PIP5K1C: variants seen among roughly 807,000 people sequenced by gnomAD.
The protein encoded by PIP5K1C is phosphatidylinositol 4-phosphate 5-kinase type-1 gamma.
Under a neutral mutation model 80.1 loss-of-function variants are expected in PIP5K1C, and 45 were observed. That is an observed-to-expected ratio of 0.56 (90% CI 0.44 to 0.72). The LOEUF is 0.72. Ranked by LOEUF, PIP5K1C falls within the 30% of genes least tolerant of loss-of-function variation. PIP5K1C has a pLI of 0.00. For synonymous variants in PIP5K1C, 498 were observed against 420.1 expected (o/e 1.19, Z -2.27); for missense variants, 753 against 954.6 (o/e 0.79, Z 2.78).
intron 2 of PIP5K1C, 54 bp from the exon 3 acceptor site, chr19:3,664,968 C>A (rs910231150): frequency 7.2e-7 from 1 of 1,379,588 alleles, no homozygotes; most frequent in African/African-American, 1.4e-5. Context: ...CCCACCGGGA[C>A]AGGGCACGCT....
intron 1 of PIP5K1C, among the ~76,000 whole-genome samples, chr19:3,677,453 A>G (rs1003557123): frequency 2.0e-5 from 3 of 151,710 alleles, no homozygotes; most frequent in Admixed American, 2.0e-4. Flanking sequence ...TGTGGTGGCC[A>G]GTGCCTGTAA....
chr19:3,699,218 C>T (rs959850871), intron 1 of PIP5K1C, among the ~76,000 whole-genome samples: 2 of 151,664 alleles, frequency 1.3e-5, no homozygotes, highest in Non-Finnish European at 2.9e-5. Context: ...GCCAGGACAC[C>T]GGCTGCCCGC....
chr19:3,654,941 C>G (rs1367686930), intron 6 of PIP5K1C, among the ~76,000 whole-genome samples: 1 of 151,892 alleles, frequency 6.6e-6, no homozygotes, highest in Admixed American at 6.6e-5. Flanking sequence ...AACCCCATCT[C>G]TACTAAAAAT....
At chr19:3,670,465 C>T (rs899932890) in intron 1 of PIP5K1C, among the ~76,000 whole-genome samples, 2 of 152,202 alleles carry the variant, frequency 1.3e-5, no homozygotes, top group African/African-American at 4.8e-5. Flanking sequence ...CCCGGAGGCA[C>T]CAGGAGCAGA....
At chr19:3,676,279 C>T (rs1016696220) in intron 1 of PIP5K1C, among the ~76,000 whole-genome samples, 4 of 152,172 alleles carry the variant, frequency 2.6e-5, no homozygotes, top group African/African-American at 7.2e-5. Flanking sequence ...GGTACCTGCC[C>T]GGCCCTGCAG....
rs1476925362 is a variant in PIP5K1C, at chr19:3,644,202, A to G, written c.1395T>C (p.Ala465=). Residue 465 remains alanine (A), a synonymous_variant, in exon 12 of 18, where the codon GCT becomes GCC. Transcript: ENST00000335312. ...SKKGRGGALL[A]VKPLGPTAAF... ...CAGCGGTGGGCCCCAGCGGTTTCAC[A>G]GCTAGCAAGGCTCCGCCGCGCCCCT... The G allele has an allele frequency of 1.4e-5, 23 of 1,612,500 alleles. No homozygotes were observed. Among genetic ancestry groups the G allele is most frequent in the Non-Finnish European group, 1.8e-5 (21 of 1,179,884 alleles).
At chr19:3,687,651 C>T (rs942337363) in intron 1 of PIP5K1C, among the ~76,000 whole-genome samples, 8 of 151,266 alleles carry the variant, frequency 5.3e-5, no homozygotes, top group Non-Finnish European at 1.0e-4. Flanking sequence ...AGAACACCTG[C>T]GGGACACAGC....
At position 3,651,309 on chromosome 19, in the gene PIP5K1C, G is replaced by A. The variant is rs193229902; in HGVS notation, c.1127+517C>T. Among the ~76,000 whole-genome samples, 645 of 152,282 alleles carry A rather than the reference G, an allele frequency of 4.2e-3. 4 individuals are homozygous for A. Among genetic ancestry groups the A allele is most frequent in the Admixed American group, 8.2e-3 (125 of 15,300 alleles). On this transcript the variant is annotated intron_variant, in intron 8 of 17. Transcript: ENST00000335312. ...GGGCTGAGGCAATCCTCCCACCTTG[G>A]TCTCCCAAGGTGCTGGGAGTACAGG...
rs746879065 is a variant in PIP5K1C at position 3,664,814 on chromosome 19, C to T, written c.219+8G>A. ...CTCCCTCCAGCCAGCTAAGGGGAGC[C>T]GAGGAACCTTCTTGTAGGTGGTTTC... On this transcript the variant is annotated splice_region_variant and intron_variant, in intron 3 of 17. Transcript: ENST00000335312. The T allele has an allele frequency of 9.3e-6, 15 of 1,610,476 alleles. No individual in the cohort carries two copies. The East Asian group carries it at 2.2e-4, about 24-fold the overall frequency.
rs1354338332 is a variant in PIP5K1C, at chr19:3,696,975, CGA to C, written c.94+3320_94+3321del. On this transcript the variant is annotated intron_variant, in intron 1 of 17. Transcript: ENST00000335312. The surrounding 1 kb of genome is among the most constrained non-coding windows in gnomAD (Gnocchi z 4.1). ...GGGGCAAAGGAGGACTGAGCTGGAC[CGA>C]GGAGGACTGAGCTGGACGGAGGAGG... Among the ~76,000 whole-genome samples the C allele has an allele frequency of 1.3e-5, 2 of 151,856 alleles. No homozygotes were observed. Among genetic ancestry groups the C allele is most frequent in the East Asian group, 3.9e-4 (2 of 5,176 alleles).
At chr19:3,642,378 G>A (rs1004063502) in intron 14 of PIP5K1C, among the ~76,000 whole-genome samples, 47 of 152,376 alleles carry the variant, frequency 3.1e-4, no homozygotes, top group African/African-American at 1.0e-3. Flanking sequence ...TCCATGGGAT[G>A]GAAGGACGGC....
chr19:3,678,299 T>TGGAGGGACGGAGGGAC (rs2035458788), intron 1 of PIP5K1C, among the ~76,000 whole-genome samples: 1 of 65,862 alleles, frequency 1.5e-5, no homozygotes, highest in Non-Finnish European at 3.0e-5. Flanking sequence ...GATGGAGGGA[T>TGGAGGGACGGAGGGAC]GGAGGGACGG....
At position 3,661,997 on chromosome 19, in the gene PIP5K1C, G is replaced by C. The variant is rs371628208; in HGVS notation, c.224C>G (p.Thr75Ser). 1 of 1,593,444 alleles carries C rather than the reference G, an allele frequency of 6.3e-7. No homozygotes were observed. Among genetic ancestry groups the C allele is most frequent in the African/African-American group, 1.3e-5 (1 of 74,566 alleles). Residue 75 changes from threonine to serine, a missense_variant, in exon 4 of 18, where the codon ACC becomes AGC. Transcript: ENST00000335312. ...ASGETTYKKTTSSTLKGAIQL... is the reference protein window; with the variant it reads ...ASGETTYKKTSSSTLKGAIQL... ...GATGGCACCCTTCAGGGTGGAGGAG[G>C]TGGTCTGCAGGGAGACCAGAGTGTC...
At chr19:3,646,144 TG>T (rs1240015691) in intron 10 of PIP5K1C, 86 bp from the exon 11 acceptor site, 4 of 798,738 alleles carry the variant, frequency 5.0e-6, no homozygotes, top group Admixed American at 3.5e-5. Context: ...GCTGTATGTG[TG>T]TGGGGGGCAC....
At chr19:3,656,151 C>T (rs984572208) in intron 6 of PIP5K1C, among the ~76,000 whole-genome samples, 5 of 152,198 alleles carry the variant, frequency 3.3e-5, no homozygotes, top group South Asian at 2.1e-4. Context: ...AGGCAGGGGC[C>T]GGTGCCCACC....
chr19:3,654,521 A>T (rs1210312819), intron 6 of PIP5K1C, among the ~76,000 whole-genome samples: 2 of 152,242 alleles, frequency 1.3e-5, no homozygotes, highest in African/African-American at 4.8e-5. Context: ...TTCCATTTTT[A>T]AAAAGTGGAA....
At chr19:3,675,467 G>C (rs541942124) in intron 1 of PIP5K1C, among the ~76,000 whole-genome samples, 56 of 152,182 alleles carry the variant, frequency 3.7e-4, no homozygotes, top group Non-Finnish European at 7.2e-4. Flanking sequence ...CTGTGCTGTA[G>C]AACTGAGTTC....
chr19:3,645,221 C>T (rs1026983922), intron 11 of PIP5K1C, among the ~76,000 whole-genome samples: 2 of 152,222 alleles, frequency 1.3e-5, no homozygotes, highest in Non-Finnish European at 2.9e-5. Flanking sequence ...TTCATGCCCC[C>T]CACCAGACAC....
Position 3,696,126 on chromosome 19 carries a change from T to G in PIP5K1C, c.94+4171A>C, listed in dbSNP as rs746334949. ...GCCGCCCTGTGACCACACTACACTG[T>G]GCTCCAGGCAGGCGGGGCCTCTGCT... is the stretch of plus-strand genomic sequence containing the variant. On this transcript the variant is annotated intron_variant, in intron 1 of 17. Coordinates refer to ENST00000335312, the MANE Select transcript of PIP5K1C (RefSeq NM_012398.3). The surrounding 1 kb of genome is among the most constrained non-coding windows in gnomAD (Gnocchi z 4.1). 6.6e-6 allele frequency among the ~76,000 whole-genome samples: 1 copy of G among 152,200 alleles called. No individual in the cohort carries two copies. Among genetic ancestry groups the G allele is most frequent in the Non-Finnish European group, 1.5e-5 (1 of 68,038 alleles).
Sources: gnomAD v4.1 joint callset for allele counts (sites outside exome capture counted in the v4.1 genomes callset) on GRCh38, gnomAD v4.1.1 for gene constraint, Gnocchi (gnomAD v3.1) non-coding constraint, MANE v1.5 for transcripts, NCBI Gene and HGNC (gene_info 2026-07-23, HGNC 2026-07-21) for gene names.